The following LRRC56 variants were observed in gnomAD, a reference collection of about 807,000 sequenced individuals.
LRRC56 encodes the protein leucine-rich repeat-containing protein 56.
LRRC56 carries 41 observed loss-of-function variants against 47.8 expected under a neutral mutation model. That is an observed-to-expected ratio of 0.86 (90% CI 0.67 to 1.11). The LOEUF (loss-of-function observed/expected upper bound fraction) is 1.11, where lower values mean the gene tolerates loss of function less well. Ranked by LOEUF, LRRC56 falls within the 50% of genes most tolerant of loss-of-function variation. LRRC56 has a pLI of 0.00. For missense variants in LRRC56, 759 were observed against 704.2 expected, an observed-to-expected ratio of 1.08 and a Z score of -0.88; for synonymous variants, 387 against 311.2, an observed-to-expected ratio of 1.24 and a Z score of -2.56.
At chr11:550,449 C>T (rs933527883) in intron 8 of LRRC56, among the ~76,000 whole-genome samples, 177 bp downstream of exon 8, 1 of 152,200 alleles carries the variant, frequency 6.6e-6, no homozygotes, top group African/African-American at 2.4e-5. Context: ...AGGACACCCT[C>T]CTGGACCAGC....
chr11:507,732 C>A, the LRRC56 span, among the ~76,000 whole-genome samples: 1 of 152,254 alleles, frequency 6.6e-6, no homozygotes, highest in Non-Finnish European at 1.5e-5. Flanking sequence ...CGACTCTAGG[C>A]GACCTTGGTA....
In LRRC56 at chr11:541,081, A is replaced by T; in HGVS notation, c.177+220A>T. On this transcript the variant is annotated intron_variant, in intron 4 of 13. Coordinates refer to ENST00000270115, the MANE Select transcript of LRRC56 (RefSeq NM_198075.4). This position sits in a 1 kb window ranked among gnomAD's most constrained non-coding sequence, Gnocchi z 4.1. ...AAAACACCAGCAACACCAGGTGCTC[A>T]GTGACACAGACGTCCCCAGGCATTT... 6.6e-6 allele frequency among the ~76,000 whole-genome samples: 1 copy of T among 152,178 alleles called. No homozygotes were observed. Among genetic ancestry groups the T allele is most frequent in the East Asian group, 1.9e-4 (1 of 5,198 alleles).
chr11:518,550 C>A, the LRRC56 span, among the ~76,000 whole-genome samples: 3 of 152,118 alleles, frequency 2.0e-5, no homozygotes, highest in Non-Finnish European at 4.4e-5. Context: ...GTCTCCAACT[C>A]CTGACTTCGT....
the LRRC56 span, chr11:532,519 T>C: frequency 1.4e-6 from 2 of 1,402,620 alleles, no homozygotes; most frequent in South Asian, 1.2e-5. Flanking sequence ...GTCCTGAGCT[T>C]GTGCTGGGCG....
the LRRC56 span, among the ~76,000 whole-genome samples, chr11:515,117 GAA>G: frequency 1.3e-5 from 2 of 152,162 alleles, no homozygotes; most frequent in African/African-American, 4.8e-5. Flanking sequence ...CATGTCCCAA[GAA>G]GACCCACAAG....
At chr11:534,403 G>A (rs1030962749), upstream of LRRC56, 26 of 1,105,318 alleles carry the variant, frequency 2.4e-5, no homozygotes, top group Admixed American at 1.2e-4. Context: ...GCTCAGCCAG[G>A]CCCAGGCCCA....
chr11:528,119 A>T, the LRRC56 span, among the ~76,000 whole-genome samples: 9 of 152,324 alleles, frequency 5.9e-5, no homozygotes, highest in South Asian at 1.9e-3. Flanking sequence ...TACAGGCTTG[A>T]GCCACCGTGC....
At chr11:550,553 C>CA (rs1852330901) in intron 8 of LRRC56, among the ~76,000 whole-genome samples, 2 of 152,188 alleles carry the variant, frequency 1.3e-5, no homozygotes, top group Admixed American at 1.3e-4. Flanking sequence ...CGTGGAAACA[C>CA]AAAGAACCAC....
the LRRC56 span, among the ~76,000 whole-genome samples, chr11:516,011 G>A: frequency 6.6e-6 from 1 of 152,152 alleles, no homozygotes; most frequent in Non-Finnish European, 1.5e-5. Flanking sequence ...ATGTATGTGA[G>A]GGTCTACTCT....
At chr11:515,544 T>C in the LRRC56 span, among the ~76,000 whole-genome samples, 4 of 152,194 alleles carry the variant, frequency 2.6e-5, no homozygotes. Context: ...TTTTGGCTTA[T>C]AATAAGTTCT....
the LRRC56 span, among the ~76,000 whole-genome samples, chr11:518,590 T>G: frequency 2.0e-5 from 3 of 152,116 alleles, no homozygotes; most frequent in East Asian, 5.8e-4. Flanking sequence ...CCCAAAGTGC[T>G]GGGATTACAG....
At chr11:511,826 C>T in the LRRC56 span, among the ~76,000 whole-genome samples, 1 of 152,174 alleles carries the variant, frequency 6.6e-6, no homozygotes, top group Non-Finnish European at 1.5e-5. Context: ...CCTCTGGGAA[C>T]CGGAAGATAT....
the LRRC56 span, among the ~76,000 whole-genome samples, chr11:527,784 T>C: frequency 6.9e-6 from 1 of 144,466 alleles, no homozygotes; most frequent in African/African-American, 2.6e-5. Context: ...CACCGCAACC[T>C]CCACCCACTG....
At chr11:528,131 C>G in the LRRC56 span, among the ~76,000 whole-genome samples, 3 of 152,340 alleles carry the variant, frequency 2.0e-5, no homozygotes, top group African/African-American at 7.2e-5. Context: ...CCACCGTGCC[C>G]GGCCTGAAAC....
chr11:511,076 C>CT, the LRRC56 span, among the ~76,000 whole-genome samples: 1 of 152,014 alleles, frequency 6.6e-6, no homozygotes, highest in Non-Finnish European at 1.5e-5. Context: ...CATCCCAGCA[C>CT]TTTGGGAGGC....
upstream of LRRC56, chr11:532,850 G>C: frequency 2.4e-6 from 3 of 1,262,978 alleles, no homozygotes; most frequent in Non-Finnish European, 3.4e-6. Context: ...TGCCTGGCCC[G>C]AAGCTCCCGA....
upstream of LRRC56, among the ~76,000 whole-genome samples, chr11:536,259 C>T (rs571600496): frequency 1.3e-5 from 2 of 152,226 alleles, no homozygotes; most frequent in South Asian, 2.1e-4. Context: ...GCGTGGCAGG[C>T]GACCCTGCCC....
chr11:549,601 G>T (rs769287526), intron 6 of LRRC56, among the ~76,000 whole-genome samples: 129 of 152,350 alleles, frequency 8.5e-4, no homozygotes, highest in Non-Finnish European at 1.5e-3. Flanking sequence ...AAAGAGAAAG[G>T]TGATGCCTGC....
chr11:535,654 C>A (rs556177089), upstream of LRRC56: 1 of 152,054 alleles, frequency 6.6e-6, no homozygotes, highest in Non-Finnish European at 1.5e-5. Flanking sequence ...CCCCGCCCCA[C>A]CCCGGTTGGC....
Sources: gnomAD v4.1 joint callset for allele counts (sites outside exome capture counted in the v4.1 genomes callset) on GRCh38, gnomAD v4.1.1 for gene constraint, Gnocchi (gnomAD v3.1) non-coding constraint, MANE v1.5 for transcripts, NCBI Gene and HGNC (gene_info 2026-07-23, HGNC 2026-07-21) for gene names.